Variants in GUCY2C observed in about 807,000 individuals in gnomAD.
GUCY2C encodes guanylate cyclase 2C, also known as guanylyl cyclase C.
In GUCY2C, 118 loss-of-function variants were observed where a neutral mutation model predicts 131.1. That is an observed-to-expected ratio of 0.90 (90% CI 0.78 to 1.05). The LOEUF is 1.05. Ranked by LOEUF, GUCY2C falls within the 50% of genes least tolerant of loss-of-function variation. GUCY2C has a pLI of 0.00. For missense variants in GUCY2C, 1,161 were observed against 1,304.4 expected, an observed-to-expected ratio of 0.89 and a Z score of 1.69; for synonymous variants, 452 against 457.8, an observed-to-expected ratio of 0.99 and a Z score of 0.16.
chr12:14,634,650 A>T (rs933065727), intron 19 of GUCY2C, among the ~76,000 whole-genome samples: 1 of 152,252 alleles, frequency 6.6e-6, no homozygotes, highest in Non-Finnish European at 1.5e-5. Context: ...AAAATTTTTC[A>T]CTTAAAAGAT....
Position 14,652,982 on chromosome 12 carries a change from C to G in GUCY2C, c.1503G>C (p.Gln501His). 1.2e-6 allele frequency: 2 copies of G among 1,612,512 alleles called. No individual in the cohort carries two copies. The highest frequency in any genetic ancestry group is 2.2e-5 in the South Asian group (2 of 91,060). The change falls in exon 13 of 27, where the codon CAG becomes CAC. Residue 501 changes from glutamine to histidine, a missense_variant. Gln to His is a conservative substitution (Grantham distance 24). Coordinates refer to ENST00000261170, the MANE Select transcript of GUCY2C (RefSeq NM_004963.4). The part of the protein sequence containing the change: ...IDDDKRRDTI[Q>H]RLRQCKYDKK... ...TGTCGTATTTGCACTGTCGTAGTCT[C>G]TGGATTGTATCTCGTCTTTTGTCAT...
intron 9 of GUCY2C, among the ~76,000 whole-genome samples, chr12:14,670,624 C>T (rs896553846): frequency 6.6e-6 from 1 of 151,712 alleles, no homozygotes; most frequent in African/African-American, 2.4e-5. Flanking sequence ...ATCATGGGAC[C>T]GGTCTTTCCC....
chr12:14,681,457 G>C lies in GUCY2C; in HGVS notation c.632C>G (p.Ala211Gly). The C allele has an allele frequency of 1.2e-6, 2 of 1,607,826 alleles. No homozygotes were observed. Among genetic ancestry groups the C allele is most frequent in the Non-Finnish European group, 1.7e-6 (2 of 1,177,296 alleles). The change falls in exon 5 of 27, where the codon GCT becomes GGT. Residue 211 changes from alanine to glycine, a missense_variant. By Grantham distance (60) the Ala-to-Gly change is moderately conservative. Transcript: ENST00000261170. Reference protein sequence around the residue: ...DCFWYLNALEASVSYFSHELG... With the variant: ...DCFWYLNALEGSVSYFSHELG... Reference sequence around the variant, plus strand: ...TTCGTGGGAGAAATAGGAAACGCTAGCCTCCAGAGCATTAAGGTACCTGGA... The same window carrying C: ...TTCGTGGGAGAAATAGGAAACGCTACCCTCCAGAGCATTAAGGTACCTGGA...
chr12:14,660,906 A>T, intron 11 of GUCY2C, 75 bp downstream of exon 11: 2 of 907,044 alleles, frequency 2.2e-6, no homozygotes, highest in South Asian at 2.7e-5. Flanking sequence ...CATCATCAAC[A>T]GACAACAGAC....
chr12:14,621,181 A>G lies in GUCY2C; in HGVS notation c.2637T>C (p.Ser879=), dbSNP rs773511472. The G allele has an allele frequency of 6.2e-7, 1 of 1,613,786 alleles. No homozygotes were observed. Among genetic ancestry groups the G allele is most frequent in the Middle Eastern group, 1.7e-4 (1 of 5,836 alleles). Residue 879 remains serine, a synonymous_variant, in exon 23 of 27, where the codon AGT becomes AGC. Transcript: ENST00000261170. The part of the protein sequence containing the change: ...ETIGDAYMVA[S]GLPKRNGNRH... Reference sequence around the variant, plus strand: ...GATTGCCATTTCTCTTAGGCAAACCACTAGCCACCATGTACGCATCACCGA... The same window carrying G: ...GATTGCCATTTCTCTTAGGCAAACCGCTAGCCACCATGTACGCATCACCGA...
At chr12:14,656,646 G>T in intron 11 of GUCY2C, 29 bp from the exon 12 acceptor site, 6 of 1,082,782 alleles carry the variant, frequency 5.5e-6, no homozygotes, top group Admixed American at 1.7e-5. Flanking sequence ...TGGTCAATAG[G>T]TTTTTATTAA....
intron 15 of GUCY2C, among the ~76,000 whole-genome samples, chr12:14,650,433 A>G (rs1947624327): frequency 6.6e-6 from 1 of 152,124 alleles, no homozygotes; most frequent in South Asian, 2.1e-4. Context: ...ATTTTAGTAG[A>G]GATGGGGTTT....
chr12:14,676,723 G>T, intron 7 of GUCY2C, 131 bp downstream of exon 7: 1 of 273,104 alleles, frequency 3.7e-6, no homozygotes. Flanking sequence ...AACATTTGTT[G>T]AATGAATTAG....
chr12:14,633,248 A>C (rs1196910524), intron 19 of GUCY2C, among the ~76,000 whole-genome samples: 1 of 152,144 alleles, frequency 6.6e-6, no homozygotes, highest in Admixed American at 6.6e-5. Flanking sequence ...CTTCAACAAA[A>C]CGTCACTACT....
rs1228860226 is a variant in GUCY2C, at chr12:14,674,125, G to T, written c.1084+500C>A. Among the ~76,000 whole-genome samples, 4 of 152,198 alleles carry T rather than the reference G, an allele frequency of 2.6e-5. No homozygotes were observed. In the East Asian group the frequency reaches 7.7e-4, roughly 29 times the overall value. ...GAGATCTGGGAAACGAAAGATGGGA[G>T]TTTCACTAGGGGCTTGTAGGAAAGG... On this transcript the variant is annotated intron_variant, in intron 8 of 26. Coordinates refer to ENST00000261170, the MANE Select transcript of GUCY2C (RefSeq NM_004963.4).
chr12:14,666,548 A>G (rs1024365047), intron 10 of GUCY2C, among the ~76,000 whole-genome samples: 1 of 152,180 alleles, frequency 6.6e-6, no homozygotes, highest in African/African-American at 2.4e-5. Flanking sequence ...CAGCCAGCCC[A>G]ACATGGCGAA....
At chr12:14,624,011 T>C (rs1294537401) in intron 21 of GUCY2C, among the ~76,000 whole-genome samples, 1 of 152,184 alleles carries the variant, frequency 6.6e-6, no homozygotes, top group Non-Finnish European at 1.5e-5. Flanking sequence ...TAGTGTGTTA[T>C]CCAGAGAGAG....
Position 14,614,897 on chromosome 12 carries a change from TG to T in GUCY2C, c.3016del (p.Gln1006ArgfsTer24). Reference protein sequence around the residue: ...TTYWLTGMKDQKFNLPTPPTV... With the variant: ...TTYWLTGMKDXKFNLPTPPTV... ...AGGAGGGGTTGGCAGGTTGAATTTC[TG>T]GTCCTTCATCCCAGTCAGCCAGTAG... On this transcript the variant is annotated frameshift_variant, in exon 26 of 27. Coordinates refer to ENST00000261170, the MANE Select transcript of GUCY2C (RefSeq NM_004963.4). LOFTEE classifies it high-confidence loss of function. The T allele has an allele frequency of 6.3e-7, 1 of 1,586,752 alleles. No homozygotes were observed. The highest frequency in any genetic ancestry group is 1.9e-5 in the Admixed American group (1 of 53,948).
At position 14,676,950 on chromosome 12, in the gene GUCY2C, A is replaced by G; in HGVS notation, c.852T>C (p.Asn284=). The change falls in exon 7 of 27, where the codon AAT becomes AAC. Residue 284 remains asparagine, a synonymous_variant. Transcript: ENST00000261170. ...DLFNDQYFED[N]VTAPDYMKNV... is the part of the protein sequence containing the mutation. Reference sequence around the variant, plus strand: ...TTTTCATATAGTCAGGGGCTGTGACATTGTCCTCAAAGTACTGGTCACTGT... The same window carrying G: ...TTTTCATATAGTCAGGGGCTGTGACGTTGTCCTCAAAGTACTGGTCACTGT... 6.6e-7 allele frequency: 1 copy of G among 1,524,524 alleles called. No homozygotes were observed. Among genetic ancestry groups the G allele is most frequent in the Non-Finnish European group, 9.0e-7 (1 of 1,110,862 alleles). The allele number at this position is 1,524,524 out of a possible 1,614,324, so 94.4% of individuals were successfully genotyped here. A position where few individuals can be genotyped will look rare whatever the true frequency, so the allele number is the denominator to read the frequency against.
chr12:14,681,619 A>C, intron 4 of GUCY2C, 142 bp from the exon 5 acceptor site: 1 of 655,850 alleles, frequency 1.5e-6, no homozygotes. Context: ...AGCACACACC[A>C]TGATACCACT....
intron 11 of GUCY2C, among the ~76,000 whole-genome samples, chr12:14,659,109 G>A (rs946311062): frequency 6.6e-6 from 1 of 151,194 alleles, no homozygotes; most frequent in Non-Finnish European, 1.5e-5. Context: ...GCAGTGGTGC[G>A]ATCTCTGCTC....
intron 19 of GUCY2C, among the ~76,000 whole-genome samples, chr12:14,636,269 G>T (rs186200344): frequency 1.8e-4 from 27 of 152,210 alleles, no homozygotes; most frequent in Admixed American, 7.2e-4. Flanking sequence ...TGATCAAGTG[G>T]GATTTATCCC....
intron 10 of GUCY2C, chr12:14,665,884 G>A (rs117837529): frequency 0.065 from 9,876 of 152,292 alleles, 586 homozygotes; most frequent in Admixed American, 0.2. Flanking sequence ...CGGCTTCATT[G>A]TCTGGGGACA....
chr12:14,685,842 G>A lies in GUCY2C; in HGVS notation c.395+319C>T, dbSNP rs542168520. ...TTCCCAACCCTCTACCCATACTTTTGTGAATATTTTATTTATTAAACGCCT... is the reference window on the plus strand; with the variant it reads ...TTCCCAACCCTCTACCCATACTTTTATGAATATTTTATTTATTAAACGCCT... On this transcript the variant is annotated intron_variant, in intron 3 of 26. Transcript: ENST00000261170. Among the ~76,000 whole-genome samples, 11 of 152,208 alleles carry A rather than the reference G, an allele frequency of 7.2e-5. No individual in the cohort carries two copies. In the East Asian group the frequency reaches 1.9e-3, roughly 27 times the overall value.
Sources: allele counts gnomAD v4.1 joint callset (sites outside exome capture counted in the v4.1 genomes callset), GRCh38; gene constraint gnomAD v4.1.1; transcripts MANE v1.5; gene names NCBI Gene and HGNC (gene_info 2026-07-23, HGNC 2026-07-21).